The following LINGO1 variants were observed in gnomAD, a reference collection of about 807,000 sequenced individuals.
LINGO1 encodes the protein leucine-rich repeat and immunoglobulin-like domain-containing nogo receptor-interacting protein 1.
Under a neutral mutation model 37.3 loss-of-function variants are expected in LINGO1, and 11 were observed. That is an observed-to-expected ratio of 0.29 (90% CI 0.19 to 0.49). The LOEUF (loss-of-function observed/expected upper bound fraction) is 0.49, where lower values mean the gene tolerates loss of function less well. LINGO1 is among the 20% of genes least tolerant of loss of function. The pLI is 0.99. For synonymous variants in LINGO1, 387 were observed against 403.0 expected (o/e 0.96, Z 0.48); for missense variants, 585 against 878.2 (o/e 0.67, Z 4.22).
intron 3 of LINGO1, among the ~76,000 whole-genome samples, chr15:77,675,876 G>C (rs1288097758): frequency 2.0e-5 from 3 of 152,110 alleles, no homozygotes; most frequent in Non-Finnish European, 2.9e-5. Flanking sequence ...CCTCATCCCT[G>C]TTACCCCCAT....
chr15:77,706,143 T>C (rs2075849823), intron 2 of LINGO1, among the ~76,000 whole-genome samples: 1 of 152,138 alleles, frequency 6.6e-6, no homozygotes, highest in African/African-American at 2.4e-5. Context: ...CATAAACACC[T>C]CATCGTTCCT....
chr15:77,790,544 G>T (rs1032756056), upstream of LINGO1, among the ~76,000 whole-genome samples: 2 of 152,142 alleles, frequency 1.3e-5, no homozygotes, highest in South Asian at 4.1e-4. Context: ...GCCCTGCACT[G>T]CTCCATGAGT....
In LINGO1 at chr15:77,619,492, C is replaced by T. The variant is rs964507118; in HGVS notation, c.7-3592G>A. On this transcript the variant is annotated intron_variant, in intron 1 of 1. Transcript: ENST00000355300. Reference sequence around the variant, plus strand: ...CTGAAGCCAGGAGCTCAAGACAAGGCTGGGCAACATAGTGAGATGCCCATC... The same window carrying T: ...CTGAAGCCAGGAGCTCAAGACAAGGTTGGGCAACATAGTGAGATGCCCATC... Among the ~76,000 whole-genome samples, 4 of 152,096 alleles carry T rather than the reference C, an allele frequency of 2.6e-5. No individual in the cohort carries two copies. The East Asian group carries it at 7.7e-4, about 29-fold the overall frequency.
intron 3 of LINGO1, among the ~76,000 whole-genome samples, chr15:77,668,251 T>C (rs143936069): frequency 5.1e-4 from 78 of 152,298 alleles, no homozygotes; most frequent in African/African-American, 1.7e-3. Flanking sequence ...GTGAACTCTC[T>C]GAAGCAAATA....
chr15:77,681,956 A>T (rs1240812730), intron 2 of LINGO1, among the ~76,000 whole-genome samples: 1 of 152,114 alleles, frequency 6.6e-6, no homozygotes, highest in Non-Finnish European at 1.5e-5. Context: ...TACCCTGACC[A>T]TCCTGGTTTC....
chr15:77,669,860 G>T (rs77245010), intron 3 of LINGO1, among the ~76,000 whole-genome samples: 1,900 of 152,310 alleles, frequency 0.012, 49 homozygotes, highest in African/African-American at 0.043. Context: ...TTAGCACCTA[G>T]AAATCGACCC....
chr15:77,811,710 T>C (rs1159020220), intron 1 of LINGO1, among the ~76,000 whole-genome samples: 1 of 152,196 alleles, frequency 6.6e-6, no homozygotes, highest in Non-Finnish European at 1.5e-5. Flanking sequence ...ATGAAAAAAA[T>C]TTGAGACCAC....
intron 2 of LINGO1, among the ~76,000 whole-genome samples, chr15:77,726,384 C>T (rs1160188105): frequency 6.6e-6 from 1 of 152,222 alleles, no homozygotes; most frequent in Non-Finnish European, 1.5e-5. Context: ...GACCCAAAGA[C>T]CCAGAGGAGG....
chr15:77,700,957 C>G (rs1051435133), upstream of LINGO1, among the ~76,000 whole-genome samples: 3 of 152,206 alleles, frequency 2.0e-5, no homozygotes, highest in African/African-American at 7.2e-5. Flanking sequence ...GGGAGGCCAG[C>G]ATCACCATGG....
chr15:77,736,152 A>C (rs1302001246), intron 1 of LINGO1, among the ~76,000 whole-genome samples: 1 of 152,176 alleles, frequency 6.6e-6, no homozygotes, highest in Non-Finnish European at 1.5e-5. Context: ...TTGGCATGAA[A>C]CTTTAACTGT....
chr15:77,779,155 C>A (rs185819740), intron 1 of LINGO1, among the ~76,000 whole-genome samples: 288 of 152,228 alleles, frequency 1.9e-3, no homozygotes, highest in African/African-American at 6.8e-3. Flanking sequence ...GAGGCACCCC[C>A]ACTGCTGACA....
chr15:77,774,084 G>C (rs763029542), intron 1 of LINGO1, among the ~76,000 whole-genome samples: 10 of 152,112 alleles, frequency 6.6e-5, no homozygotes, highest in Non-Finnish European at 1.2e-4. Context: ...AGGGGCTCCA[G>C]GGATGCCATG....
Position 77,776,526 on chromosome 15 carries a change from A to AAAGC in LINGO1, c.-257+10342_-257+10343insGCTT, listed in dbSNP as rs1567577779. ...GAAGGCAGGAAGGCAGGAAGGGAGGAAGGGAGGGAGGGAGGGAGGGAGGGA... is the reference window on the plus strand; with the variant it reads ...GAAGGCAGGAAGGCAGGAAGGGAGGAAAGCAGGGAGGGAGGGAGGGAGGGAGGGA... On this transcript the variant is annotated intron_variant, in intron 1 of 3. Coordinates refer to the LINGO1 transcript ENST00000561686. 2.1e-3 allele frequency among the ~76,000 whole-genome samples: 74 copies of AAAGC among 35,720 alleles called. 2 individuals carry two copies. Among genetic ancestry groups the AAAGC allele is most frequent in the South Asian group, 3.4e-3 (3 of 876 alleles). The allele number at this position is 35,720 out of a possible 152,430, so 23.4% of individuals were successfully genotyped here.
At position 77,632,720 on chromosome 15, in the gene LINGO1, G is replaced by A. The variant is rs1019576641; in HGVS notation, c.-405C>T. ...GGGCCGGGGCCGGCGGGCAGCGGCC[G>A]CGCATGCTGCTCGGCGCCCCGCGTC... is the stretch of plus-strand genomic sequence containing the variant. On this transcript the variant is annotated 5_prime_UTR_variant, in exon 1 of 2. Coordinates refer to ENST00000355300, the MANE Select transcript of LINGO1 (RefSeq NM_032808.7). This position sits in a 1 kb window ranked among gnomAD's most constrained non-coding sequence, Gnocchi z 6.0. Among the ~76,000 whole-genome samples, 19 of 145,764 alleles carry A rather than the reference G, an allele frequency of 1.3e-4. No individual in the cohort carries two copies. The highest frequency in any genetic ancestry group is 3.4e-4 in the African/African-American group (14 of 40,650).
chr15:77,706,749 G>A (rs753980429), intron 2 of LINGO1, among the ~76,000 whole-genome samples: 5 of 152,204 alleles, frequency 3.3e-5, no homozygotes, highest in Admixed American at 6.5e-5. Flanking sequence ...AGCCTCACTC[G>A]GAAAGGGGCC....
intron 1 of LINGO1, among the ~76,000 whole-genome samples, chr15:77,810,361 C>CACACAT (rs371243014): frequency 3.9e-5 from 6 of 151,978 alleles, no homozygotes; most frequent in African/African-American, 1.5e-4. Context: ...CACACACACA[C>CACACAT]AGAGGAATCT....
intron 2 of LINGO1, among the ~76,000 whole-genome samples, chr15:77,716,462 C>T (rs1361272398): frequency 6.7e-6 from 1 of 149,194 alleles, no homozygotes; most frequent in Non-Finnish European, 1.5e-5. Flanking sequence ...TCTCACTAGT[C>T]CTGCAGGGAG....
At chr15:77,766,195 G>A (rs2076526140) in intron 1 of LINGO1, among the ~76,000 whole-genome samples, 1 of 151,694 alleles carries the variant, frequency 6.6e-6, no homozygotes, top group South Asian at 2.1e-4. Context: ...CTACTCCAGA[G>A]GCTGAGGCAG....
At chr15:77,633,068 G>T (rs2074315808), upstream of LINGO1, among the ~76,000 whole-genome samples, 1 of 151,802 alleles carries the variant, frequency 6.6e-6, no homozygotes, top group Non-Finnish European at 1.5e-5. Flanking sequence ...GGGGCGGAGA[G>T]CGAGGGGCGC....
Sources: gnomAD v4.1 joint callset for allele counts (sites outside exome capture counted in the v4.1 genomes callset) on GRCh38, gnomAD v4.1.1 for gene constraint, Gnocchi (gnomAD v3.1) non-coding constraint, MANE v1.5 for transcripts, NCBI Gene and HGNC (gene_info 2026-07-23, HGNC 2026-07-21) for gene names.